NCOA1: variants seen among roughly 807,000 people sequenced by gnomAD.
NCOA1 encodes Hin-2 protein.
Under a neutral mutation model 150.9 loss-of-function variants are expected in NCOA1, and 35 were observed. The ratio of observed to expected loss-of-function variants is 0.23; its 90% CI spans 0.18 to 0.31. NCOA1 has a LOEUF of 0.31. Among genes scored for constraint, NCOA1 ranks in the 10% least tolerant of loss-of-function variants. The pLI is 1.00. For missense variants in NCOA1, 1,491 were observed against 1,749.3 expected, an observed-to-expected ratio of 0.85 and a Z score of 2.63; for synonymous variants, 590 against 630.0, an observed-to-expected ratio of 0.94 and a Z score of 0.95.
chr2:24,534,209 A>G (rs944290478), intron 1 of NCOA1, among the ~76,000 whole-genome samples: 2 of 152,132 alleles, frequency 1.3e-5, no homozygotes, highest in African/African-American at 2.4e-5. Flanking sequence ...CATTTCTTCT[A>G]GATTTTCTAG....
chr2:24,560,654 G>A (rs1477945602), intron 1 of NCOA1, among the ~76,000 whole-genome samples: 2 of 152,084 alleles, frequency 1.3e-5, no homozygotes, highest in Non-Finnish European at 2.9e-5. Flanking sequence ...ATTCCAATAA[G>A]TAGAATGGAA....
chr2:24,724,189 C>T (rs1464763826), intron 14 of NCOA1, among the ~76,000 whole-genome samples: 4 of 152,096 alleles, frequency 2.6e-5, no homozygotes, highest in South Asian at 2.1e-4. Context: ...AAGATGATAA[C>T]GAATGTTAAT....
chr2:24,533,702 A>G (rs991852299), intron 1 of NCOA1, among the ~76,000 whole-genome samples: 19 of 151,328 alleles, frequency 1.3e-4, no homozygotes, highest in African/African-American at 4.6e-4. Flanking sequence ...CTATTGAGAT[A>G]ATGTGGTTTT....
chr2:24,739,389 C>T lies in NCOA1; in HGVS notation c.3202-43C>T, dbSNP rs1420308589. Reference sequence around the variant, plus strand: ...GTTACTTTATAAGGCCCGTGTTATGCTTGTGTGTAGAAATATATCTTATTG... The same window carrying T: ...GTTACTTTATAAGGCCCGTGTTATGTTTGTGTGTAGAAATATATCTTATTG... On this transcript the variant is annotated intron_variant, in intron 17 of 22. Transcript: ENST00000348332. The T allele has an allele frequency of 2.9e-6, 4 of 1,385,130 alleles. No individual in the cohort carries two copies. In the African/African-American group the frequency reaches 4.3e-5, roughly 15 times the overall value. The allele number at this position is 1,385,130 out of a possible 1,614,324, so 85.8% of individuals were successfully genotyped here.
intron 2 of NCOA1, among the ~76,000 whole-genome samples, chr2:24,580,795 A>T (rs1269908808): frequency 2.0e-5 from 3 of 151,940 alleles, no homozygotes; most frequent in African/African-American, 7.3e-5. Context: ...GCATCTGTGG[A>T]TTGCCTTTTT....
intron 17 of NCOA1, among the ~76,000 whole-genome samples, chr2:24,735,583 G>T (rs1247077661): frequency 6.6e-6 from 1 of 151,892 alleles, no homozygotes; most frequent in East Asian, 1.9e-4. Flanking sequence ...TCACTGGCTG[G>T]TATATACTTT....
rs185442235 is a variant in NCOA1 at position 24,669,491 on chromosome 2, G to A, written c.256+3576G>A. Among the ~76,000 whole-genome samples, 176 of 152,098 alleles carry A rather than the reference G, an allele frequency of 1.2e-3. 2 individuals are homozygous for A. The highest frequency in any genetic ancestry group is 1.4e-3 in the Admixed American group (21 of 15,280). On this transcript the variant is annotated intron_variant, in intron 6 of 22. Coordinates refer to ENST00000348332, the MANE Select transcript of NCOA1 (RefSeq NM_003743.5). ...AGTCACATAGCCATTCCTACCTTAG[G>A]TTTTCCCTAAAATGTTAGATATTTT...
At chr2:24,535,569 T>C (rs1388060455) in intron 1 of NCOA1, among the ~76,000 whole-genome samples, 1 of 152,208 alleles carries the variant, frequency 6.6e-6, no homozygotes, top group Non-Finnish European at 1.5e-5. Flanking sequence ...ATTTGGCATG[T>C]TTTTGCAGTG....
chr2:24,739,085 ACTT>A (rs748800694), intron 17 of NCOA1, among the ~76,000 whole-genome samples: 6 of 152,094 alleles, frequency 3.9e-5, no homozygotes, highest in African/African-American at 7.2e-5. Flanking sequence ...TAGGGCTGGT[ACTT>A]CTTCTTCCCC....
chr2:24,569,058 A>G (rs919562995), intron 2 of NCOA1, among the ~76,000 whole-genome samples: 2 of 151,008 alleles, frequency 1.3e-5, no homozygotes, highest in Non-Finnish European at 2.9e-5. Context: ...AAGTAAAAGA[A>G]GTTGCAGCAG....
chr2:24,699,087 T>C (rs1673034404), intron 11 of NCOA1, among the ~76,000 whole-genome samples: 1 of 152,320 alleles, frequency 6.6e-6, no homozygotes, highest in Admixed American at 6.5e-5. Flanking sequence ...ACCATTACAA[T>C]AAGTAACTAA....
At chr2:24,694,618 T>G (rs1409894597) in intron 10 of NCOA1, among the ~76,000 whole-genome samples, 1 of 152,024 alleles carries the variant, frequency 6.6e-6, no homozygotes, top group East Asian at 1.9e-4. Context: ...TAATAGAAAA[T>G]GGTAAAGAGA....
chr2:24,681,548 T>C (rs2148537767), intron 7 of NCOA1, among the ~76,000 whole-genome samples: 1 of 152,340 alleles, frequency 6.6e-6, no homozygotes, highest in Middle Eastern at 3.4e-3. Context: ...TGGTAACACT[T>C]CCAAACATCC....
At chr2:24,724,057 A>AT (rs1288061302) in intron 14 of NCOA1, among the ~76,000 whole-genome samples, 1 of 151,444 alleles carries the variant, frequency 6.6e-6, no homozygotes, top group Admixed American at 6.6e-5. Context: ...ATTTCTTAAT[A>AT]TAAGGGGGGT....
At chr2:24,645,030 G>C (rs1670406267) in intron 4 of NCOA1, among the ~76,000 whole-genome samples, 1 of 152,040 alleles carries the variant, frequency 6.6e-6, no homozygotes, top group African/African-American at 2.4e-5. Context: ...TGAAGTTAAA[G>C]GCAGTAAAAT....
At chr2:24,667,800 G>T (rs900997598) in intron 6 of NCOA1, among the ~76,000 whole-genome samples, 3 of 152,000 alleles carry the variant, frequency 2.0e-5, no homozygotes, top group African/African-American at 7.2e-5. Flanking sequence ...ATATCCACAT[G>T]CTTTATTCAC....
intron 14 of NCOA1, among the ~76,000 whole-genome samples, chr2:24,715,065 G>T (rs1572631841): frequency 6.6e-6 from 1 of 152,022 alleles, no homozygotes; most frequent in Middle Eastern, 3.2e-3. Context: ...CTAACTTTCT[G>T]TATCCAGTAT....
intron 1 of NCOA1, among the ~76,000 whole-genome samples, chr2:24,498,764 T>C (rs1371628555): frequency 6.6e-6 from 1 of 152,150 alleles, no homozygotes; most frequent in Non-Finnish European, 1.5e-5. Flanking sequence ...CAGTATGTAG[T>C]AAGTATGTAG....
chr2:24,550,208 C>T (rs1276733779), intron 1 of NCOA1, among the ~76,000 whole-genome samples: 1 of 152,222 alleles, frequency 6.6e-6, no homozygotes, highest in Non-Finnish European at 1.5e-5. Flanking sequence ...ACCATTCCAG[C>T]CTCTGCCTGT....
Sources: allele counts gnomAD v4.1 joint callset (sites outside exome capture counted in the v4.1 genomes callset), GRCh38; gene constraint gnomAD v4.1.1; transcripts MANE v1.5; gene names NCBI Gene and HGNC (gene_info 2026-07-23, HGNC 2026-07-21).